The following GPR158 variants were observed in gnomAD, a reference collection of about 807,000 sequenced individuals.
GPR158 encodes metabotropic glycine receptor.
GPR158 carries 30 observed loss-of-function variants against 78.2 expected under a neutral mutation model. That is an observed-to-expected ratio of 0.38 (90% CI 0.29 to 0.52). GPR158 has a LOEUF of 0.52. Ranked by LOEUF, GPR158 falls within the 20% of genes least tolerant of loss-of-function variation. The pLI is 0.83. For missense variants in GPR158, 1,463 were observed against 1,523.5 expected (o/e 0.96, Z 0.66); for synonymous variants, 581 against 591.1 (o/e 0.98, Z 0.25).
At chr10:25,383,290 G>GT (rs1227157681) in intron 2 of GPR158, among the ~76,000 whole-genome samples, 2 of 152,182 alleles carry the variant, frequency 1.3e-5, no homozygotes, top group African/African-American at 2.4e-5. Context: ...TTATGCCTCT[G>GT]TGGTGTTGCC....
At position 25,591,487 on chromosome 10, in the gene GPR158, G is replaced by C. The variant is rs542668030; in HGVS notation, c.1892+2342G>C. ...AGAATAATCACATGAACATGAGCTT[G>C]GTTCTTATAGACACACACTCTGATT... On this transcript the variant is annotated intron_variant, in intron 8 of 10. Coordinates refer to ENST00000376351, the MANE Select transcript of GPR158 (RefSeq NM_020752.3). Among the ~76,000 whole-genome samples, 249 of 152,206 alleles carry C rather than the reference G, an allele frequency of 1.6e-3. 3 individuals carry two copies. The highest frequency in any genetic ancestry group is 5.6e-3 in the African/African-American group (234 of 41,556).
At chr10:25,203,335 A>G (rs1564390286) in intron 1 of GPR158, among the ~76,000 whole-genome samples, 3 of 152,232 alleles carry the variant, frequency 2.0e-5, no homozygotes, top group Middle Eastern at 3.4e-3. Flanking sequence ...GCCCATGCCT[A>G]TTTCCTGAAT....
At chr10:25,193,675 G>A (rs911173345) in intron 1 of GPR158, among the ~76,000 whole-genome samples, 3 of 152,100 alleles carry the variant, frequency 2.0e-5, no homozygotes, top group Non-Finnish European at 4.4e-5. Flanking sequence ...CCCCCTTTGG[G>A]TGTCTTTATT....
At chr10:25,537,714 C>A (rs150330873) in intron 5 of GPR158, among the ~76,000 whole-genome samples, 4,594 of 152,102 alleles carry the variant, frequency 0.03, 242 homozygotes, top group African/African-American at 0.1. Context: ...GGAGGAGGGG[C>A]CTGGTGGGAG....
chr10:25,195,127 A>T (rs946956544), intron 1 of GPR158, among the ~76,000 whole-genome samples: 9 of 151,022 alleles, frequency 6.0e-5, no homozygotes, highest in Non-Finnish European at 1.2e-4. Flanking sequence ...CACCCATTGG[A>T]GTTGCTAATT....
chr10:25,583,190 G>C (rs569746315), intron 7 of GPR158, among the ~76,000 whole-genome samples: 3 of 152,212 alleles, frequency 2.0e-5, no homozygotes, highest in African/African-American at 7.2e-5. Context: ...TGTCCTAGTT[G>C]TGAAATGCAC....
At chr10:25,508,798 A>G (rs1388324839) in intron 5 of GPR158, among the ~76,000 whole-genome samples, 1 of 152,146 alleles carries the variant, frequency 6.6e-6, no homozygotes, top group Admixed American at 6.6e-5. Context: ...AATTAGTAAT[A>G]TAAGGGTATT....
At chr10:25,549,047 A>G (rs890856934) in intron 5 of GPR158, among the ~76,000 whole-genome samples, 1 of 152,200 alleles carries the variant, frequency 6.6e-6, no homozygotes, top group Non-Finnish European at 1.5e-5. Flanking sequence ...AGCGTGGTGG[A>G]TAATGAAAAG....
intron 5 of GPR158, among the ~76,000 whole-genome samples, chr10:25,517,317 A>T (rs1321211976): frequency 2.6e-5 from 4 of 151,942 alleles, no homozygotes; most frequent in Non-Finnish European, 5.9e-5. Context: ...TCGTCTGCAA[A>T]CAGGGACAAT....
intron 2 of GPR158, among the ~76,000 whole-genome samples, chr10:25,241,180 TCTTTCTTTCCTTTCTTTCTTTC>T (rs1564399409): frequency 1.1e-3 from 102 of 96,784 alleles, no homozygotes; most frequent in African/African-American, 3.7e-3. Flanking sequence ...TTTCTTTCTT[TCTTTCTTTCCTTTCTTTCTTTC>T]CTTTCTTTCC....
chr10:25,456,185 CT>C (rs1279979082), intron 4 of GPR158, among the ~76,000 whole-genome samples: 2 of 152,052 alleles, frequency 1.3e-5, no homozygotes, highest in African/African-American at 4.8e-5. Context: ...TCTGTTACAC[CT>C]TATTAAATCA....
At chr10:25,273,393 T>C (rs1463727202) in intron 2 of GPR158, among the ~76,000 whole-genome samples, 1 of 144,158 alleles carries the variant, frequency 6.9e-6, no homozygotes, top group East Asian at 2.0e-4. Flanking sequence ...TCTTAACACA[T>C]TGGCATCTTT....
intron 2 of GPR158, among the ~76,000 whole-genome samples, chr10:25,381,502 A>G (rs1031273345): frequency 2.0e-5 from 3 of 152,154 alleles, no homozygotes; most frequent in African/African-American, 7.2e-5. Context: ...AGTAAAGAGG[A>G]AAAGGTTGAA....
intron 2 of GPR158, among the ~76,000 whole-genome samples, chr10:25,291,515 A>G (rs950122418): frequency 2.0e-5 from 3 of 152,076 alleles, no homozygotes; most frequent in Admixed American, 2.0e-4. Context: ...GAGTTTCACG[A>G]GGCTGCTTCT....
intron 4 of GPR158, among the ~76,000 whole-genome samples, chr10:25,431,853 C>T: frequency 6.6e-6 from 1 of 152,000 alleles, no homozygotes; most frequent in Non-Finnish European, 1.5e-5. Flanking sequence ...ACTCTGGGGA[C>T]TGTTGTGGGG....
At chr10:25,289,608 A>G (rs1854405212) in intron 2 of GPR158, among the ~76,000 whole-genome samples, 1 of 151,544 alleles carries the variant, frequency 6.6e-6, no homozygotes, top group South Asian at 2.1e-4. Flanking sequence ...AATTTTTTGT[A>G]TTTTTAGTAG....
chr10:25,538,457 A>G (rs1836529610), intron 5 of GPR158, among the ~76,000 whole-genome samples: 1 of 152,256 alleles, frequency 6.6e-6, no homozygotes, highest in Non-Finnish European at 1.5e-5. Context: ...GTTTCTATGT[A>G]TGTACATATA....
At chr10:25,365,778 CATA>C (rs1171870784) in intron 2 of GPR158, among the ~76,000 whole-genome samples, 2 of 151,654 alleles carry the variant, frequency 1.3e-5, no homozygotes, top group East Asian at 2.0e-4. Context: ...CATAAAAGCA[CATA>C]ATAAGTATAC....
chr10:25,598,085 C>G lies in GPR158; in HGVS notation c.2459C>G (p.Thr820Ser), dbSNP rs748910742. The G allele has an allele frequency of 1.2e-5, 19 of 1,614,030 alleles. No homozygotes were observed. Among genetic ancestry groups the G allele is most frequent in the Admixed American group, 1.7e-5 (1 of 60,028 alleles). Residue 820 changes from threonine to serine, a missense_variant, in exon 11 of 11, where the codon ACT becomes AGT. By Grantham distance (58) the Thr-to-Ser change is moderately conservative (BLOSUM62 1). Coordinates refer to ENST00000376351, the MANE Select transcript of GPR158 (RefSeq NM_020752.3). ...RVFSLKKSHS[T>S]YDHVRDQTEE... The stretch of plus-strand genomic sequence containing the variant: ...TTCTCACTCAAGAAATCCCACAGCA[C>G]TTATGACCACGTGAGAGACCAAACG...
Sources: gnomAD v4.1 joint callset for allele counts (sites outside exome capture counted in the v4.1 genomes callset) on GRCh38, gnomAD v4.1.1 for gene constraint, MANE v1.5 for transcripts, NCBI Gene and HGNC (gene_info 2026-07-23, HGNC 2026-07-21) for gene names.